Variants in CSGALNACT1 observed in about 807,000 individuals in gnomAD.
CSGALNACT1 encodes beta4GalNAcT-1.
Under a neutral mutation model 51.0 loss-of-function variants are expected in CSGALNACT1, and 52 were observed. The ratio of observed to expected loss-of-function variants is 1.02; its 90% CI spans 0.82 to 1.29. The LOEUF (loss-of-function observed/expected upper bound fraction) is 1.29, where lower values mean the gene tolerates loss of function less well. CSGALNACT1 is among the 50% of genes most tolerant of loss of function. The pLI, the probability that CSGALNACT1 is intolerant of heterozygous loss-of-function variation, is 0.00. For synonymous variants in CSGALNACT1, 341 were observed against 254.4 expected (o/e 1.34, Z -3.24); for missense variants, 935 against 679.2 (o/e 1.38, Z -4.19).
upstream of CSGALNACT1, among the ~76,000 whole-genome samples, chr8:19,607,201 C>T (rs948648514): frequency 1.3e-5 from 2 of 151,748 alleles, no homozygotes; most frequent in Admixed American, 6.6e-5. Flanking sequence ...AGGGACCCTG[C>T]GTGGTCTGGA....
At chr8:19,528,150 G>A (rs1001033919) in intron 3 of CSGALNACT1, among the ~76,000 whole-genome samples, 3 of 152,098 alleles carry the variant, frequency 2.0e-5, no homozygotes, top group Non-Finnish European at 2.9e-5. Context: ...AACTGACTGA[G>A]GTAGCCTGGC....
At chr8:19,504,649 T>C (rs1409013947) in intron 4 of CSGALNACT1, among the ~76,000 whole-genome samples, 1 of 152,206 alleles carries the variant, frequency 6.6e-6, no homozygotes, top group African/African-American at 2.4e-5. Context: ...ATGTAGAGGT[T>C]AAGGACATGG....
chr8:19,429,172 T>G (rs2059276136), intron 6 of CSGALNACT1, among the ~76,000 whole-genome samples: 1 of 152,074 alleles, frequency 6.6e-6, no homozygotes, highest in South Asian at 2.1e-4. Context: ...ATCAACCTTT[T>G]TTGTTGTTGT....
chr8:19,719,983 G>A (rs79010074), intron 1 of CSGALNACT1, among the ~76,000 whole-genome samples: 9,729 of 152,262 alleles, frequency 0.064, 337 homozygotes, highest in South Asian at 0.11. Flanking sequence ...GAGCACACTA[G>A]GCTGGCTCAT....
intron 6 of CSGALNACT1, among the ~76,000 whole-genome samples, chr8:19,425,507 G>A (rs548307268): frequency 1.9e-4 from 29 of 152,234 alleles, no homozygotes; most frequent in Non-Finnish European, 3.5e-4. Flanking sequence ...ATGCAGAATC[G>A]ATTTTTTCCT....
At chr8:19,598,284 T>C (rs1345418613) in intron 2 of CSGALNACT1, among the ~76,000 whole-genome samples, 1 of 152,210 alleles carries the variant, frequency 6.6e-6, no homozygotes, top group Non-Finnish European at 1.5e-5. Flanking sequence ...TGTGCCAGTA[T>C]GAACCTCCTG....
At chr8:19,605,419 G>A (rs1453066194), upstream of CSGALNACT1, among the ~76,000 whole-genome samples, 1 of 152,212 alleles carries the variant, frequency 6.6e-6, no homozygotes, top group East Asian at 1.9e-4. Flanking sequence ...CTGGGGGAGA[G>A]AGTGAGACTC....
intron 4 of CSGALNACT1, among the ~76,000 whole-genome samples, chr8:19,477,965 G>C (rs2153898205): frequency 6.6e-6 from 1 of 152,264 alleles, no homozygotes; most frequent in South Asian, 2.1e-4. Context: ...GTTTGATGAA[G>C]AGTAACACAG....
intron 4 of CSGALNACT1, among the ~76,000 whole-genome samples, chr8:19,468,745 T>G (rs2067324625): frequency 6.6e-6 from 1 of 152,024 alleles, no homozygotes; most frequent in Non-Finnish European, 1.5e-5. Flanking sequence ...GAGCTAAGCT[T>G]TGGACGGGCT....
chr8:19,438,922 C>A (rs143317582), intron 6 of CSGALNACT1, among the ~76,000 whole-genome samples: 19 of 152,330 alleles, frequency 1.2e-4, no homozygotes, highest in African/African-American at 4.3e-4. Flanking sequence ...CATCCTATTA[C>A]CATTTACCAG....
intron 1 of CSGALNACT1, among the ~76,000 whole-genome samples, chr8:19,691,371 T>A (rs1169129179): frequency 1.3e-5 from 2 of 152,128 alleles, no homozygotes; most frequent in Non-Finnish European, 2.9e-5. Context: ...GCTACCAGGG[T>A]CATTTGGACC....
intron 1 of CSGALNACT1, among the ~76,000 whole-genome samples, chr8:19,716,763 A>T (rs2062836952): frequency 6.6e-6 from 1 of 151,784 alleles, no homozygotes. Flanking sequence ...CCGCACTCCA[A>T]CCTGGGTGAC....
chr8:19,562,029 G>A (rs577753377), intron 3 of CSGALNACT1, among the ~76,000 whole-genome samples: 6 of 152,268 alleles, frequency 3.9e-5, no homozygotes, highest in Admixed American at 1.3e-4. Context: ...CCCTCTGGAT[G>A]GAGCTCCTAC....
chr8:19,429,073 T>C (rs1383332499), intron 6 of CSGALNACT1, among the ~76,000 whole-genome samples: 2 of 152,136 alleles, frequency 1.3e-5, no homozygotes, highest in East Asian at 3.8e-4. Flanking sequence ...AATCCCCTCA[T>C]ATCCCCAGCC....
chr8:19,556,953 A>G lies in CSGALNACT1; in HGVS notation c.-297+34207T>C, dbSNP rs147149375. On this transcript the variant is annotated intron_variant, in intron 3 of 9. Transcript: ENST00000454498. ...CTATAAACAAACCACACCACTGCAGATGAGAAGGATCATACTCTCTGCCCA... is the reference window on the plus strand; with the variant it reads ...CTATAAACAAACCACACCACTGCAGGTGAGAAGGATCATACTCTCTGCCCA... Among the ~76,000 whole-genome samples the G allele has an allele frequency of 7.1e-3, 1,073 of 150,610 alleles. 14 individuals are homozygous for G. The highest frequency in any genetic ancestry group is 0.025 in the African/African-American group (1,018 of 40,744).
At chr8:19,468,307 G>A (rs990302492) in intron 4 of CSGALNACT1, among the ~76,000 whole-genome samples, 44 of 152,182 alleles carry the variant, frequency 2.9e-4, no homozygotes, top group African/African-American at 1.0e-3. Context: ...GCCACCTTGA[G>A]GCAGTTCGGC....
At chr8:19,436,347 T>A (rs545736482) in intron 6 of CSGALNACT1, among the ~76,000 whole-genome samples, 1 of 152,050 alleles carries the variant, frequency 6.6e-6, no homozygotes, top group South Asian at 2.1e-4. Context: ...ACACTGTGAG[T>A]CTAGACCTTA....
intron 8 of CSGALNACT1, among the ~76,000 whole-genome samples, chr8:19,410,381 C>T (rs371125248): frequency 6.6e-5 from 10 of 152,332 alleles, no homozygotes; most frequent in South Asian, 2.1e-4. Context: ...GTTCCATCCC[C>T]GCCTTACCAG....
intron 1 of CSGALNACT1, among the ~76,000 whole-genome samples, chr8:19,635,524 T>C (rs1564313297): frequency 6.6e-6 from 1 of 152,204 alleles, no homozygotes; most frequent in African/African-American, 2.4e-5. Flanking sequence ...TGCTTCTGTG[T>C]CCAACTTCCT....
Sources: allele counts gnomAD v4.1 joint callset (sites outside exome capture counted in the v4.1 genomes callset), GRCh38; gene constraint gnomAD v4.1.1; transcripts MANE v1.5; gene names NCBI Gene and HGNC (gene_info 2026-07-23, HGNC 2026-07-21).